The following MITF variants were observed in gnomAD, a reference collection of about 807,000 sequenced individuals.
MITF encodes melanocyte inducing transcription factor.
A neutral mutation model predicts 60.5 loss-of-function variants in MITF; 17 were observed. The observed-to-expected ratio is 0.28, with a 90% CI of 0.19 to 0.42. The LOEUF is 0.42. Among genes scored for constraint, MITF ranks in the 10% least tolerant of loss-of-function variants. The probability of loss-of-function intolerance (pLI) is 1.00; values close to 1 mark genes in which losing one functional copy is unlikely to be tolerated. For synonymous variants in MITF, 260 were observed against 248.5 expected (o/e 1.05, Z -0.43); for missense variants, 622 against 683.5 (o/e 0.91, Z 1.00).
intron 1 of MITF, among the ~76,000 whole-genome samples, chr3:69,806,410 AGTTG>A (rs2063009405): frequency 6.6e-6 from 1 of 152,054 alleles, no homozygotes; most frequent in African/African-American, 2.4e-5. Flanking sequence ...TTAACTGAAG[AGTTG>A]GTTTTCAAAT....
chr3:69,866,207 C>G (rs1228306084), intron 1 of MITF: 2 of 1,596,786 alleles, frequency 1.3e-6, no homozygotes, highest in East Asian at 2.2e-5. Flanking sequence ...TCAGGAGCCA[C>G]CCCTAGTGAC....
At chr3:69,939,893 T>A (rs2065930251) in intron 4 of MITF, among the ~76,000 whole-genome samples, 1 of 152,334 alleles carries the variant, frequency 6.6e-6, no homozygotes, top group Admixed American at 6.5e-5. Context: ...ATAAGTTTCC[T>A]AGCCTATTTG....
At chr3:69,938,762 C>A in intron 3 of MITF, 2 of 1,319,424 alleles carry the variant, frequency 1.5e-6, no homozygotes, top group Non-Finnish European at 1.9e-6. Context: ...TGATGAGCTT[C>A]ATCTCAATGG....
chr3:69,814,743 G>A (rs1043240556), intron 1 of MITF, among the ~76,000 whole-genome samples: 7 of 151,928 alleles, frequency 4.6e-5, no homozygotes, highest in Non-Finnish European at 7.4e-5. Context: ...AATCTACTGC[G>A]GCATGTAAAA....
At chr3:69,799,163 A>G (rs573096965) in intron 1 of MITF, among the ~76,000 whole-genome samples, 2 of 152,294 alleles carry the variant, frequency 1.3e-5, no homozygotes, top group East Asian at 1.9e-4. Context: ...CTGGGCAACA[A>G]TTGAGGAGAT....
At chr3:69,858,445 A>G (rs987756565) in intron 1 of MITF, among the ~76,000 whole-genome samples, 2 of 152,186 alleles carry the variant, frequency 1.3e-5, no homozygotes, top group South Asian at 4.1e-4. Context: ...AAAATTTAAC[A>G]TAAGGTGATT....
chr3:69,835,581 T>C (rs909064784), intron 1 of MITF, among the ~76,000 whole-genome samples: 11 of 149,758 alleles, frequency 7.3e-5, no homozygotes, highest in Admixed American at 6.6e-4. Flanking sequence ...TTTGCCTGTG[T>C]TTTCTTCTAG....
intron 1 of MITF, among the ~76,000 whole-genome samples, chr3:69,808,313 A>G (rs1325589233): frequency 6.6e-6 from 1 of 151,986 alleles, no homozygotes; most frequent in Non-Finnish European, 1.5e-5. Flanking sequence ...TTGAGAGTCA[A>G]GGGGGGCACT....
chr3:69,916,519 TTGAG>T (rs2107409449), intron 2 of MITF, among the ~76,000 whole-genome samples: 1 of 152,178 alleles, frequency 6.6e-6, no homozygotes, highest in East Asian at 1.9e-4. Flanking sequence ...AAGTTCGGAA[TTGAG>T]TGAGTTAAAT....
At chr3:69,887,098 C>G (rs1420290369) in intron 2 of MITF, among the ~76,000 whole-genome samples, 2 of 152,082 alleles carry the variant, frequency 1.3e-5, no homozygotes, top group Non-Finnish European at 2.9e-5. Flanking sequence ...CACTTAACAA[C>G]TGGAACTTCA....
intron 2 of MITF, among the ~76,000 whole-genome samples, chr3:69,923,276 A>G (rs1409607741): frequency 6.6e-6 from 1 of 152,252 alleles, no homozygotes; most frequent in Non-Finnish European, 1.5e-5. Flanking sequence ...GATTGTAATG[A>G]GGATTAAATA....
chr3:69,942,903 A>C (rs144716860), intron 5 of MITF, among the ~76,000 whole-genome samples: 1 of 152,200 alleles, frequency 6.6e-6, no homozygotes, highest in East Asian at 1.9e-4. Flanking sequence ...TCTCAAAAGA[A>C]CTTTGCTGTG....
At chr3:69,938,740 C>G in intron 3 of MITF, 1 of 1,300,840 alleles carries the variant, frequency 7.7e-7, no homozygotes, top group East Asian at 3.2e-5. Context: ...TCATTATTTC[C>G]AAATTATGAG....
intron 1 of MITF, among the ~76,000 whole-genome samples, chr3:69,862,907 A>G (rs2064041911): frequency 1.3e-5 from 2 of 152,028 alleles, no homozygotes; most frequent in South Asian, 4.1e-4. Context: ...TTCTGATATT[A>G]TTTTTTCCTC....
chr3:69,949,931 T>C (rs751291705), intron 6 of MITF, among the ~76,000 whole-genome samples: 1 of 152,172 alleles, frequency 6.6e-6, no homozygotes, highest in Non-Finnish European at 1.5e-5. Context: ...ATATGGAATA[T>C]GGATTTGGTA....
intron 1 of MITF, among the ~76,000 whole-genome samples, chr3:69,775,193 GTT>G (rs1170751128): frequency 6.6e-6 from 1 of 152,108 alleles, no homozygotes; most frequent in East Asian, 1.9e-4. Context: ...TATGTTCAGT[GTT>G]TGTTTCCCTA....
chr3:69,763,372 A>G (rs2062239405), intron 1 of MITF, among the ~76,000 whole-genome samples: 1 of 152,206 alleles, frequency 6.6e-6, no homozygotes, highest in Admixed American at 6.5e-5. Flanking sequence ...CTATAGATAA[A>G]GAGGTAGTTT....
At chr3:69,796,780 GTCTT>G (rs2062838923) in intron 1 of MITF, among the ~76,000 whole-genome samples, 1 of 152,092 alleles carries the variant, frequency 6.6e-6, no homozygotes, top group Non-Finnish European at 1.5e-5. Context: ...TGCAAACACC[GTCTT>G]TCTAAGATAG....
chr3:69,800,191 TG>T (rs2062895850), intron 1 of MITF, among the ~76,000 whole-genome samples: 2 of 152,204 alleles, frequency 1.3e-5, no homozygotes, highest in African/African-American at 4.8e-5. Context: ...TTCATATAAA[TG>T]GGATTATACA....
Sources: allele counts gnomAD v4.1 joint callset (sites outside exome capture counted in the v4.1 genomes callset), GRCh38; gene constraint gnomAD v4.1.1; transcripts MANE v1.5; gene names NCBI Gene and HGNC (gene_info 2026-07-23, HGNC 2026-07-21).